Variants in CSTPP1 observed in about 807,000 individuals in gnomAD.
CSTPP1 encodes centriolar satellite-associated tubulin polyglutamylase complex regulator 1, also known as UPF0705 protein C11orf49.
At chr11:47,074,515 A>AAAAAAAAC in the CSTPP1 span, among the ~76,000 whole-genome samples, 1 of 145,114 alleles carries the variant, frequency 6.9e-6, no homozygotes, top group African/African-American at 2.6e-5. Context: ...AAAAAAAAAA[A>AAAAAAAAC]AAAAAACAGA....
the CSTPP1 span, among the ~76,000 whole-genome samples, chr11:47,076,049 CA>C: frequency 6.6e-6 from 1 of 151,850 alleles, no homozygotes; most frequent in East Asian, 1.9e-4. Flanking sequence ...ATTAGATCCC[CA>C]GATCCCTCCC....
chr11:47,122,281 T>C, the CSTPP1 span, among the ~76,000 whole-genome samples: 2 of 151,338 alleles, frequency 1.3e-5, no homozygotes, highest in African/African-American at 4.9e-5. Flanking sequence ...CCAAGGGGCA[T>C]TATAATAAGA....
At chr11:47,042,515 A>G in the CSTPP1 span, among the ~76,000 whole-genome samples, 4 of 152,118 alleles carry the variant, frequency 2.6e-5, no homozygotes, top group African/African-American at 4.8e-5. Flanking sequence ...TAAATGTAGC[A>G]AAATATTCAC....
the CSTPP1 span, among the ~76,000 whole-genome samples, chr11:46,945,781 A>T: frequency 6.6e-6 from 1 of 152,202 alleles, no homozygotes; most frequent in Admixed American, 6.5e-5. Flanking sequence ...CCCTCCCCAC[A>T]GGAAACTTAC....
At chr11:47,082,135 G>T in the CSTPP1 span, among the ~76,000 whole-genome samples, 2 of 137,646 alleles carry the variant, frequency 1.5e-5, no homozygotes, top group Admixed American at 1.6e-4. Context: ...GGGAGACGGA[G>T]TGAGACCCTG....
chr11:47,100,444 T>G, the CSTPP1 span, among the ~76,000 whole-genome samples: 9 of 152,224 alleles, frequency 5.9e-5, no homozygotes, highest in Non-Finnish European at 1.3e-4. Flanking sequence ...GGAAATGAAC[T>G]TCCATTGCTG....
the CSTPP1 span, among the ~76,000 whole-genome samples, chr11:47,126,680 C>A: frequency 1.3e-5 from 2 of 151,004 alleles, no homozygotes; most frequent in Non-Finnish European, 2.9e-5. Context: ...GCCTGTAATC[C>A]CAGCACTTTG....
At chr11:46,987,164 ATCTT>A in the CSTPP1 span, 5 of 1,585,186 alleles carry the variant, frequency 3.2e-6, no homozygotes, top group South Asian at 5.5e-5. Context: ...TCTTTTTAAA[ATCTT>A]TCTCTCATTT....
the CSTPP1 span, among the ~76,000 whole-genome samples, chr11:47,143,473 G>A: frequency 6.6e-6 from 1 of 152,212 alleles, no homozygotes; most frequent in Non-Finnish European, 1.5e-5. Flanking sequence ...GCTGGAAGCC[G>A]GAGCCTGTTC....
chr11:47,118,526 G>C, the CSTPP1 span, among the ~76,000 whole-genome samples: 960 of 152,288 alleles, frequency 6.3e-3, 5 homozygotes, highest in Non-Finnish European at 0.011. Flanking sequence ...TGGAGGAGAA[G>C]AGGTGCTCTG....
chr11:47,091,718 CAGAT>C, the CSTPP1 span, among the ~76,000 whole-genome samples: 3 of 152,066 alleles, frequency 2.0e-5, no homozygotes, highest in Non-Finnish European at 4.4e-5. Flanking sequence ...AAGAGGGAGT[CAGAT>C]AGAGATTTGA....
the CSTPP1 span, among the ~76,000 whole-genome samples, chr11:47,092,788 A>G: frequency 0.014 from 2,191 of 152,282 alleles, 50 homozygotes; most frequent in African/African-American, 0.05. Context: ...TACACATTGC[A>G]CTTGGTAATG....
chr11:47,018,707 G>T, the CSTPP1 span, among the ~76,000 whole-genome samples: 3 of 152,102 alleles, frequency 2.0e-5, no homozygotes, highest in Admixed American at 1.3e-4. Context: ...TCAGCACTTG[G>T]CACTGTCAGT....
chr11:47,029,817 G>C, the CSTPP1 span, among the ~76,000 whole-genome samples: 4 of 151,250 alleles, frequency 2.6e-5, no homozygotes, highest in African/African-American at 9.7e-5. Context: ...AAAAAAAAAG[G>C]CTGGGCACAG....
the CSTPP1 span, among the ~76,000 whole-genome samples, chr11:47,148,352 A>G: frequency 2.0e-5 from 3 of 147,862 alleles, no homozygotes; most frequent in African/African-American, 7.5e-5. Context: ...CCTTGACCTG[A>G]GGACACCCTC....
chr11:47,000,814 T>G, the CSTPP1 span, among the ~76,000 whole-genome samples: 4 of 152,174 alleles, frequency 2.6e-5, no homozygotes, highest in African/African-American at 7.2e-5. Context: ...AGCTAATAGT[T>G]AATAAGCACT....
At chr11:46,982,043 G>A in the CSTPP1 span, among the ~76,000 whole-genome samples, 2 of 151,872 alleles carry the variant, frequency 1.3e-5, no homozygotes, top group African/African-American at 4.8e-5. Flanking sequence ...ACTAGATTAT[G>A]TTAGTGATTT....
At chr11:47,137,870 C>A in the CSTPP1 span, 1 of 744,478 alleles carries the variant, frequency 1.3e-6, no homozygotes, top group South Asian at 1.8e-5. Context: ...TTGGGATGTG[C>A]CCCAAAACAT....
At chr11:46,966,041 CTTTT>C in the CSTPP1 span, among the ~76,000 whole-genome samples, 1 of 151,836 alleles carries the variant, frequency 6.6e-6, no homozygotes, top group Non-Finnish European at 1.5e-5. Flanking sequence ...TCAGAAAAGT[CTTTT>C]TTTTGTTTGT....
Sources: gnomAD v4.1 joint callset for allele counts (sites outside exome capture counted in the v4.1 genomes callset) on GRCh38, gnomAD v4.1.1 for gene constraint, MANE v1.5 for transcripts, NCBI Gene and HGNC (gene_info 2026-07-23, HGNC 2026-07-21) for gene names.